Variants in FRK observed in about 807,000 individuals in gnomAD.
FRK encodes the protein fyn related Src family tyrosine kinase.
Under a neutral mutation model 56.4 loss-of-function variants are expected in FRK, and 51 were observed. The ratio of observed to expected loss-of-function variants is 0.90; its 90% CI spans 0.72 to 1.14. The LOEUF (loss-of-function observed/expected upper bound fraction) is 1.14. FRK is among the 50% of genes most tolerant of loss of function. The probability of loss-of-function intolerance (pLI) is 0.00; values close to 1 mark genes in which losing one functional copy is unlikely to be tolerated. For missense variants in FRK, 570 were observed against 601.4 expected, an observed-to-expected ratio of 0.95 and a Z score of 0.55; for synonymous variants, 245 against 217.9, an observed-to-expected ratio of 1.12 and a Z score of -1.10.
chr6:116,038,422 T>C (rs1277684644), intron 1 of FRK, among the ~76,000 whole-genome samples: 1 of 151,856 alleles, frequency 6.6e-6, no homozygotes, highest in Non-Finnish European at 1.5e-5. Flanking sequence ...TTTAAAAGAA[T>C]TCAAAAAAAG....
chr6:115,948,621 T>A (rs942161604), intron 5 of FRK, among the ~76,000 whole-genome samples: 1 of 152,220 alleles, frequency 6.6e-6, no homozygotes, highest in Non-Finnish European at 1.5e-5. Flanking sequence ...CTGTTTTAAC[T>A]CCCACTTATA....
chr6:116,097,192 A>G, the FRK span, among the ~76,000 whole-genome samples: 3 of 152,236 alleles, frequency 2.0e-5, no homozygotes, highest in Non-Finnish European at 4.4e-5. Context: ...AGGCCTCAGC[A>G]TAATATTACA....
the FRK span, among the ~76,000 whole-genome samples, chr6:116,091,295 T>C: frequency 6.6e-6 from 1 of 152,200 alleles, no homozygotes; most frequent in Admixed American, 6.5e-5. Flanking sequence ...ATCAGCACTC[T>C]GTAAAATGGA....
the FRK span, among the ~76,000 whole-genome samples, chr6:116,076,665 T>G: frequency 4.6e-5 from 7 of 152,228 alleles, no homozygotes; most frequent in African/African-American, 1.7e-4. Context: ...TGAGCTTAAC[T>G]GCTCAAGGGT....
At chr6:116,085,020 G>A in the FRK span, among the ~76,000 whole-genome samples, 1 of 152,172 alleles carries the variant, frequency 6.6e-6, no homozygotes, top group Non-Finnish European at 1.5e-5. Flanking sequence ...AAAGATAGAA[G>A]GGGGCAGTTA....
chr6:116,012,464 T>G (rs1234873457), intron 1 of FRK, among the ~76,000 whole-genome samples: 5 of 152,242 alleles, frequency 3.3e-5, no homozygotes, highest in African/African-American at 1.2e-4. Flanking sequence ...TGTTTTGATA[T>G]GTAGCATACA....
chr6:116,033,705 A>C (rs934846833), intron 1 of FRK, among the ~76,000 whole-genome samples: 1 of 152,172 alleles, frequency 6.6e-6, no homozygotes, highest in African/African-American at 2.4e-5. Flanking sequence ...GAGACTCAGA[A>C]GTCAACTCTA....
intron 1 of FRK, among the ~76,000 whole-genome samples, chr6:116,028,530 G>C (rs1776183773): frequency 6.6e-6 from 1 of 152,106 alleles, no homozygotes; most frequent in Admixed American, 6.6e-5. Flanking sequence ...AGCTCCTTCT[G>C]CGGTCAGTGA....
At chr6:116,087,240 C>A in the FRK span, among the ~76,000 whole-genome samples, 2 of 152,270 alleles carry the variant, frequency 1.3e-5, no homozygotes, top group South Asian at 2.1e-4. Context: ...TAGTGCCTGG[C>A]ACGCAGTATA....
chr6:115,991,761 G>C (rs1231090575), intron 2 of FRK, among the ~76,000 whole-genome samples: 1 of 151,494 alleles, frequency 6.6e-6, no homozygotes, highest in Admixed American at 6.6e-5. Flanking sequence ...CCAGATTTTT[G>C]TATCAGGATG....
upstream of FRK, among the ~76,000 whole-genome samples, chr6:116,062,164 A>G (rs746177579): frequency 6.6e-5 from 10 of 152,178 alleles, no homozygotes; most frequent in Non-Finnish European, 1.3e-4. Flanking sequence ...AAGTTTCTCC[A>G]ATTGTCTTTG....
Position 115,935,244 on chromosome 6 carries a change from G to T in FRK, c.*7170C>A, listed in dbSNP as rs986029074. Reference sequence around the variant, plus strand: ...TCACCTCACCCAGGAAGCACAAGGGGTCAGGGAACTACCTCCTCTACCCAA... The same window carrying T: ...TCACCTCACCCAGGAAGCACAAGGGTTCAGGGAACTACCTCCTCTACCCAA... On this transcript the variant is annotated 3_prime_UTR_variant, in exon 8 of 8. Transcript: ENST00000606080. 6.6e-6 allele frequency: 1 copy of T among 152,464 alleles called. No individual in the cohort carries two copies. The highest frequency in any genetic ancestry group is 1.5e-5 in the Non-Finnish European group (1 of 68,246). The allele number at this position is 152,464 out of a possible 1,614,324, so 9.4% of individuals were successfully genotyped here. A position where few individuals can be genotyped will look rare whatever the true frequency, so the allele number is the denominator to read the frequency against.
chr6:116,058,007 C>G (rs1301090878), intron 1 of FRK, among the ~76,000 whole-genome samples: 2 of 152,046 alleles, frequency 1.3e-5, no homozygotes, highest in Admixed American at 6.6e-5. Context: ...CCCAGATAGT[C>G]AGGAAATCCA....
chr6:115,960,555 G>GGCCT (rs1292879236), intron 4 of FRK, among the ~76,000 whole-genome samples: 96 of 141,828 alleles, frequency 6.8e-4, no homozygotes, highest in African/African-American at 2.5e-3. Flanking sequence ...AGCTCAAGGA[G>GGCCT]GCCTGCCTGC....
chr6:116,033,319 T>C (rs567266965), intron 1 of FRK, among the ~76,000 whole-genome samples: 49 of 152,270 alleles, frequency 3.2e-4, no homozygotes, highest in African/African-American at 1.1e-3. Flanking sequence ...AATGTACACA[T>C]ACATGGACCA....
chr6:115,949,651 C>T (rs783993), intron 5 of FRK, among the ~76,000 whole-genome samples: 147,412 of 152,292 alleles, frequency 0.97, 71,535 homozygotes, highest in East Asian at 1. Context: ...CAAGCTACCA[C>T]TGACTTTCTT....
At chr6:115,993,886 CT>C (rs1487082154) in intron 2 of FRK, among the ~76,000 whole-genome samples, 3 of 151,904 alleles carry the variant, frequency 2.0e-5, no homozygotes, top group Non-Finnish European at 1.5e-5. Context: ...TTTCATGCTG[CT>C]TTTTATGCTT....
At chr6:115,942,991 A>T (rs758491803) in intron 7 of FRK, 29 bp downstream of exon 7, 9 of 1,595,940 alleles carry the variant, frequency 5.6e-6, no homozygotes, top group Non-Finnish European at 7.7e-6. Context: ...CATGCAGCAG[A>T]AAGGTCCACT....
chr6:116,018,463 G>C (rs941908415), intron 1 of FRK, among the ~76,000 whole-genome samples: 1 of 152,076 alleles, frequency 6.6e-6, no homozygotes, highest in Non-Finnish European at 1.5e-5. Flanking sequence ...TATACCCTGG[G>C]GTAAGGGTGA....
Sources: allele counts gnomAD v4.1 joint callset (sites outside exome capture counted in the v4.1 genomes callset), GRCh38; gene constraint gnomAD v4.1.1; transcripts MANE v1.5; gene names NCBI Gene and HGNC (gene_info 2026-07-23, HGNC 2026-07-21).